The following ZNF219 variants were observed in gnomAD, a reference collection of about 807,000 sequenced individuals.
ZNF219 encodes the protein zinc finger protein 219.
In ZNF219, 17 loss-of-function variants were observed where a neutral mutation model predicts 54.4. The observed-to-expected ratio is 0.31, with a 90% CI of 0.21 to 0.47. The LOEUF is 0.47. Among genes scored for constraint, ZNF219 ranks in the 20% least tolerant of loss-of-function variants. ZNF219 has a pLI of 1.00. For missense variants in ZNF219, 1,014 were observed against 1,062.3 expected (o/e 0.95, Z 0.63); for synonymous variants, 518 against 476.4 (o/e 1.09, Z -1.14).
chr14:21,101,546 C>A, upstream of ZNF219: 1 of 1,178,912 alleles, frequency 8.5e-7, no homozygotes, highest in South Asian at 1.4e-5. Flanking sequence ...TGAGCACCTA[C>A]CATGTGCCAG....
At chr14:21,098,776 C>T (rs1003661457), upstream of ZNF219, 1 of 1,273,244 alleles carries the variant, frequency 7.9e-7, no homozygotes, top group Non-Finnish European at 1.0e-6. Context: ...AGCCTCCAAG[C>T]AGCACTGCCC....
At chr14:21,102,379 G>T, upstream of ZNF219, 1 of 1,551,060 alleles carries the variant, frequency 6.4e-7, no homozygotes, top group South Asian at 1.2e-5. Flanking sequence ...CCTAGGCTGG[G>T]CAGGGCTGAG....
chr14:21,095,068 A>G (rs1889217305), intron 1 of ZNF219, among the ~76,000 whole-genome samples: 1 of 152,178 alleles, frequency 6.6e-6, no homozygotes, highest in South Asian at 2.1e-4. Context: ...CCAGGAGTCA[A>G]CCTGCCTGTC....
At chr14:21,104,711 T>G (rs534771174) in exon 1 of ZNF219, 5 of 152,264 alleles carry the variant, frequency 3.3e-5, no homozygotes, top group Non-Finnish European at 7.3e-5. Flanking sequence ...TTGTGACACC[T>G]TGGAAGAGTG....
chr14:21,104,483 C>G (rs45515493), intron 1 of ZNF219: 23,192 of 152,284 alleles, frequency 0.15, 2,062 homozygotes, highest in Admixed American at 0.28. Context: ...TAGAAATTGA[C>G]CACAGCTGGA....
chr14:21,099,697 T>C (rs1222190253), upstream of ZNF219, among the ~76,000 whole-genome samples: 4 of 152,232 alleles, frequency 2.6e-5, no homozygotes, highest in Non-Finnish European at 5.9e-5. Flanking sequence ...TGAGCACTTG[T>C]GTACCAGGTA....
rs1172695765 is a variant in ZNF219 at position 21,092,524 on chromosome 14, G to A, written c.773C>T (p.Pro258Leu). 3.9e-6 allele frequency: 6 copies of A among 1,549,852 alleles called. No homozygotes were observed. Among genetic ancestry groups the A allele is most frequent in the South Asian group, 1.2e-5 (1 of 84,082 alleles). Residue 258 changes from proline (P) to leucine (L), a missense_variant, in exon 3 of 5, where the codon CCG becomes CTG. By Grantham distance (98) the Pro-to-Leu change is moderately conservative. Around this residue, in one of 5 missense-constraint regions of ZNF219, gnomAD observed 395 missense variants for 415.1 expected, o/e 0.95. Transcript: ENST00000360947. ...CTCGGGAGCGGCAGGAGCTGGGGTC[G>A]GGGTTGCCTCACGTTCGGGCTCCGG... is the stretch of plus-strand genomic sequence containing the variant. ...PEPEPEREAT[P>L]TPAPAAPEEP...
At chr14:21,093,531 G>A in intron 2 of ZNF219, 55 bp downstream of exon 2, 1 of 1,582,866 alleles carries the variant, frequency 6.3e-7, no homozygotes. Context: ...AGGTAGGCAG[G>A]AGAGGGAGTA....
chr14:21,092,205 G>A lies in ZNF219; in HGVS notation c.1092C>T (p.Ala364=). ...YEPLGPALLL[A]PAPTPAERRE... ...GGCGCTCGGCCGGGGTGGGAGCCGG[G>A]GCCAAGAGGAGCGCTGGGCCCAACG... The change falls in exon 3 of 5, where the codon GCC becomes GCT. Residue 364 remains alanine, a synonymous_variant. Transcript: ENST00000360947. 7.0e-7 allele frequency: 1 copy of A among 1,437,994 alleles called. No individual in the cohort carries two copies. Among genetic ancestry groups the A allele is most frequent in the Non-Finnish European group, 9.1e-7 (1 of 1,102,372 alleles). The allele number at this position is 1,437,994 out of a possible 1,614,324, so 89.1% of individuals were successfully genotyped here. A position where few individuals can be genotyped will look rare whatever the true frequency, so the allele number is the denominator to read the frequency against.
Position 21,093,130 on chromosome 14 carries a change from C to T in ZNF219, c.167G>A (p.Arg56His). 6.2e-7 allele frequency: 1 copy of T among 1,610,104 alleles called. No individual in the cohort carries two copies. The highest frequency in any genetic ancestry group is 8.5e-7 in the Non-Finnish European group (1 of 1,179,182). ...CTTCCCGCATACAGGGCAGGGGAAG[C>T]GCCGTTCGCCTGCACGACTCTCAGA... Reference protein sequence around the residue: ...SWSESRAGERRFPCPVCGKRF... With the variant: ...SWSESRAGERHFPCPVCGKRF... The change falls in exon 3 of 5, where the codon CGC becomes CAC. Residue 56 changes from arginine to histidine, a missense_variant. Around this residue, in one of 5 missense-constraint regions of ZNF219, gnomAD observed 395 missense variants for 415.1 expected, o/e 0.95. Transcript: ENST00000360947.
At chr14:21,097,427 G>C (rs1889336303) in intron 1 of ZNF219, 1 of 152,330 alleles carries the variant, frequency 6.6e-6, no homozygotes, top group Non-Finnish European at 1.5e-5. Context: ...GTTTGGGAAA[G>C]AGGGGCATGT....
upstream of ZNF219, chr14:21,102,607 G>A (rs1889716668): frequency 1.3e-6 from 2 of 1,551,112 alleles, no homozygotes; most frequent in Non-Finnish European, 1.7e-6. Flanking sequence ...CGGGGTCCCT[G>A]CATTCTCAGC....
At chr14:21,100,188 C>T (rs1387817455), upstream of ZNF219, among the ~76,000 whole-genome samples, 2 of 152,010 alleles carry the variant, frequency 1.3e-5, no homozygotes, top group African/African-American at 2.4e-5. Context: ...CATTGTGAGA[C>T]GACCCTGTCT....
At chr14:21,100,784 G>A (rs563708464), upstream of ZNF219, among the ~76,000 whole-genome samples, 228 of 152,268 alleles carry the variant, frequency 1.5e-3, no homozygotes, top group Non-Finnish European at 2.8e-3. Flanking sequence ...CAGAAAGTAG[G>A]ATCTCTAGGG....
intron 1 of ZNF219, among the ~76,000 whole-genome samples, chr14:21,097,711 C>A (rs899374579): frequency 5.3e-5 from 8 of 152,156 alleles, no homozygotes; most frequent in Admixed American, 1.3e-4. Flanking sequence ...TCAGCTACCC[C>A]CGGCCAGGAG....
At chr14:21,093,442 G>T in intron 2 of ZNF219, 144 bp downstream of exon 2, 1 of 1,408,038 alleles carries the variant, frequency 7.1e-7, no homozygotes, top group Non-Finnish European at 9.8e-7. Flanking sequence ...GGGAAGATGG[G>T]GTGGGGGGAG....
Position 21,091,405 on chromosome 14 carries a change from C to T in ZNF219, c.1564+6G>A, listed in dbSNP as rs751456857. The stretch of plus-strand genomic sequence containing the variant: ...CCCTCTCCACGCCGGAGGCTGCCTC[C>T]CTCACCTGTGTGCACTCGCAGATGC... On this transcript the variant is annotated splice_donor_region_variant and intron_variant, in intron 4 of 4. Coordinates refer to ENST00000360947, the MANE Select transcript of ZNF219 (RefSeq NM_016423.3). 3.8e-6 allele frequency: 6 copies of T among 1,590,218 alleles called. No homozygotes were observed. The highest frequency in any genetic ancestry group is 1.7e-4 in the Middle Eastern group (1 of 6,016).
intron 1 of ZNF219, 81 bp from the exon 2 acceptor site, chr14:21,093,755 G>C: frequency 7.6e-7 from 1 of 1,309,244 alleles, no homozygotes; most frequent in Non-Finnish European, 1.1e-6. Flanking sequence ...CAGACTCTCA[G>C]CATTCTGTAT....
intron 1 of ZNF219, chr14:21,094,560 T>A: frequency 4.1e-6 from 1 of 246,520 alleles, no homozygotes; most frequent in South Asian, 3.3e-5. Context: ...GAGGCTGGAG[T>A]GAGGGACGGG....
Sources: allele counts gnomAD v4.1 joint callset (sites outside exome capture counted in the v4.1 genomes callset), GRCh38; gene constraint gnomAD v4.1.1; regional missense constraint gnomAD v4.1.1; transcripts MANE v1.5; gene names NCBI Gene and HGNC (gene_info 2026-07-23, HGNC 2026-07-21).